GLI3: variants seen among roughly 807,000 people sequenced by gnomAD.
GLI3 encodes the protein transcription activator GLI3.
Under a neutral mutation model 100.8 loss-of-function variants are expected in GLI3, and 20 were observed. That is an observed-to-expected ratio of 0.20 (90% CI 0.14 to 0.29). The LOEUF (loss-of-function observed/expected upper bound fraction) is 0.29. Among genes scored for constraint, GLI3 ranks in the 10% least tolerant of loss-of-function variants. The probability of loss-of-function intolerance (pLI) is 1.00; values close to 1 mark genes in which losing one functional copy is unlikely to be tolerated. For missense variants in GLI3, 2,040 were observed against 2,128.5 expected, an observed-to-expected ratio of 0.96 and a Z score of 0.82; for synonymous variants, 938 against 860.5, an observed-to-expected ratio of 1.09 and a Z score of -1.58.
At chr7:41,967,238 T>C (rs535957063) in intron 14 of GLI3, among the ~76,000 whole-genome samples, 110 of 152,232 alleles carry the variant, frequency 7.2e-4, no homozygotes, top group African/African-American at 2.5e-3. Context: ...ACTGGGTAAA[T>C]ATAAATAAAA....
intron 2 of GLI3, among the ~76,000 whole-genome samples, chr7:42,200,087 T>C (rs778935721): frequency 2.6e-5 from 4 of 152,138 alleles, no homozygotes; most frequent in African/African-American, 4.8e-5. Context: ...GGCCAAACAA[T>C]TACTACTCAA....
At chr7:42,172,638 C>G in intron 2 of GLI3, 1 of 702,994 alleles carries the variant, frequency 1.4e-6, no homozygotes, top group Non-Finnish European at 2.6e-6. Flanking sequence ...AGCGCGGATG[C>G]ATCCAATCCT....
chr7:42,114,957 C>T (rs1190480283), intron 3 of GLI3, among the ~76,000 whole-genome samples: 1 of 152,004 alleles, frequency 6.6e-6, no homozygotes, highest in Non-Finnish European at 1.5e-5. Context: ...CTGCCTCAGC[C>T]TCCCAAAATA....
intron 2 of GLI3, among the ~76,000 whole-genome samples, chr7:42,204,131 G>A (rs1308715365): frequency 6.6e-6 from 1 of 151,808 alleles, no homozygotes; most frequent in East Asian, 1.9e-4. Context: ...CCACTCACAT[G>A]AAGGATGGAG....
intron 1 of GLI3, among the ~76,000 whole-genome samples, chr7:42,246,476 T>C (rs947218722): frequency 6.6e-6 from 1 of 152,230 alleles, no homozygotes; most frequent in African/African-American, 2.4e-5. Context: ...TTTATTTACA[T>C]GTTAGCAATT....
At chr7:42,119,307 G>C (rs551925114) in intron 3 of GLI3, among the ~76,000 whole-genome samples, 1 of 152,166 alleles carries the variant, frequency 6.6e-6, no homozygotes, top group Admixed American at 6.5e-5. Context: ...TTTGAATCAC[G>C]TGGGGAATCT....
intron 4 of GLI3, among the ~76,000 whole-genome samples, chr7:42,071,160 C>T (rs143198509): frequency 1.1e-4 from 17 of 152,160 alleles, no homozygotes; most frequent in Middle Eastern, 3.4e-3. Flanking sequence ...ATACACAGAT[C>T]GTCTTCACCC....
Position 41,966,788 on chromosome 7 carries a change from C to CTGCAG in GLI3, c.2432-148_2432-147insCTGCA. 1.3e-6 allele frequency: 1 copy of CTGCAG among 787,126 alleles called. No individual in the cohort carries two copies. Among genetic ancestry groups the CTGCAG allele is most frequent in the Non-Finnish European group, 2.2e-6 (1 of 465,082 alleles). The allele number at this position is 787,126 out of a possible 1,614,324, so 48.8% of individuals were successfully genotyped here. A position where few individuals can be genotyped will look rare whatever the true frequency, so the allele number is the denominator to read the frequency against. ...CCACATTGCCTGCCTCACAACTACT[C>CTGCAG]AGCTCTGCAGTGTAGCCCCAACACG... On this transcript the variant is annotated intron_variant, in intron 14 of 14. Transcript: ENST00000395925. The surrounding 1 kb of genome is among the most constrained non-coding windows in gnomAD (Gnocchi z 5.8).
chr7:42,223,368 C>T (rs1166960008), intron 1 of GLI3, 73 bp from the exon 2 acceptor site: 8 of 831,564 alleles, frequency 9.6e-6, no homozygotes, highest in Non-Finnish European at 1.5e-5. Context: ...AAGTCCACTT[C>T]ACCTGTCATC....
rs778372986 is a variant in GLI3, at chr7:41,967,630, A to C, written c.2397T>G (p.Pro799=). 6 of 1,613,822 alleles carry C rather than the reference A, an allele frequency of 3.7e-6. No homozygotes were observed. The South Asian group carries it at 5.5e-5, about 15-fold the overall frequency. The change falls in exon 14 of 15, where the codon CCT becomes CCG. Residue 799 remains proline (P), a synonymous_variant. Transcript: ENST00000395925. ...MFPRLNPILP[P]KAPAVSPLIG... ...TGAGAGGAGAGACCGCAGGGGCTTT[A>C]GGGGGTAGAATGGGGTTCAGTCGCG...
At chr7:42,030,612 G>C (rs1050265023) in intron 7 of GLI3, among the ~76,000 whole-genome samples, 2 of 151,362 alleles carry the variant, frequency 1.3e-5, no homozygotes, top group African/African-American at 4.9e-5. Context: ...TATTTTTAGG[G>C]GCCCTGAATA....
At chr7:42,140,997 G>A (rs1411702428) in intron 3 of GLI3, among the ~76,000 whole-genome samples, 4 of 152,142 alleles carry the variant, frequency 2.6e-5, no homozygotes, top group Non-Finnish European at 5.9e-5. Flanking sequence ...CTAAAAAAGT[G>A]CCATTTGGGT....
At position 41,962,598 on chromosome 7, in the gene GLI3, A is replaced by T. The variant is rs1429642690; in HGVS notation, c.*1732T>A. ...ACATCTAGTTGAAAGCAAACCTAATAGTCTTAGCCAAAGTCCCCAGTGGCA... is the reference window on the plus strand; with the variant it reads ...ACATCTAGTTGAAAGCAAACCTAATTGTCTTAGCCAAAGTCCCCAGTGGCA... On this transcript the variant is annotated 3_prime_UTR_variant, in exon 15 of 15. Transcript: ENST00000395925. The T allele has an allele frequency of 6.6e-6, 1 of 152,198 alleles. No individual in the cohort carries two copies. The highest frequency in any genetic ancestry group is 6.5e-5 in the Admixed American group (1 of 15,282). 9.4% of individuals were successfully genotyped at this position (152,198 alleles called of 1,614,324 possible).
intron 2 of GLI3, among the ~76,000 whole-genome samples, chr7:42,163,504 C>T (rs1415312201): frequency 6.6e-6 from 1 of 151,830 alleles, no homozygotes; most frequent in Non-Finnish European, 1.5e-5. Context: ...TCTCGGCTCA[C>T]TGCAACCTCC....
At chr7:42,029,778 C>T (rs1789232993) in intron 7 of GLI3, among the ~76,000 whole-genome samples, 1 of 152,122 alleles carries the variant, frequency 6.6e-6, no homozygotes, top group Non-Finnish European at 1.5e-5. Context: ...CATGCCCCAT[C>T]AAAACGAGGC....
At chr7:42,212,787 G>C (rs1300448157) in intron 2 of GLI3, among the ~76,000 whole-genome samples, 2 of 152,192 alleles carry the variant, frequency 1.3e-5, no homozygotes, top group Non-Finnish European at 2.9e-5. Context: ...TGCTGGCACA[G>C]AGAATGGAGA....
chr7:42,146,278 G>A (rs564738412), intron 3 of GLI3, among the ~76,000 whole-genome samples: 7 of 152,256 alleles, frequency 4.6e-5, no homozygotes, highest in Admixed American at 1.3e-4. Context: ...CCCCCTAAGA[G>A]CTCTCCCGTG....
intron 10 of GLI3, among the ~76,000 whole-genome samples, chr7:42,018,707 G>A (rs1788842172): frequency 6.6e-6 from 1 of 152,104 alleles, no homozygotes; most frequent in Non-Finnish European, 1.5e-5. Context: ...TCTGATAAAG[G>A]AAACTTCAGC....
chr7:42,236,448 G>A (rs1788795379), intron 1 of GLI3, among the ~76,000 whole-genome samples: 1 of 152,142 alleles, frequency 6.6e-6, no homozygotes, highest in Non-Finnish European at 1.5e-5. Context: ...CCACACCCCC[G>A]CCCTCCGAAG....
Sources: allele counts gnomAD v4.1 joint callset (sites outside exome capture counted in the v4.1 genomes callset), GRCh38; gene constraint gnomAD v4.1.1; non-coding constraint Gnocchi (gnomAD v3.1); transcripts MANE v1.5; gene names NCBI Gene and HGNC (gene_info 2026-07-23, HGNC 2026-07-21).